The following FGF6 variants were observed in gnomAD, a reference collection of about 807,000 sequenced individuals.
FGF6 encodes FGF-6.
Under a neutral mutation model 18.4 loss-of-function variants are expected in FGF6, and 14 were observed. The ratio of observed to expected loss-of-function variants is 0.76; its 90% CI spans 0.50 to 1.19. The LOEUF is 1.19. Ranked by LOEUF, FGF6 falls within the 50% of genes most tolerant of loss-of-function variation. FGF6 has a pLI of 0.00. For missense variants in FGF6, 266 were observed against 271.6 expected (o/e 0.98, Z 0.15); for synonymous variants, 125 against 116.7 (o/e 1.07, Z -0.46).
At chr12:4,442,236 G>T (rs982493037) in intron 2 of FGF6, among the ~76,000 whole-genome samples, 1 of 151,908 alleles carries the variant, frequency 6.6e-6, no homozygotes, top group African/African-American at 2.4e-5. Context: ...TGGGGGTGGG[G>T]TGGTGGGTTT....
intron 2 of FGF6, among the ~76,000 whole-genome samples, chr12:4,440,117 A>G (rs951999126): frequency 6.6e-6 from 1 of 152,208 alleles, no homozygotes; most frequent in African/African-American, 2.4e-5. Flanking sequence ...GCTACTGTAT[A>G]TGATTACTTG....
intron 2 of FGF6, among the ~76,000 whole-genome samples, chr12:4,442,579 T>C (rs1347155765): frequency 2.0e-5 from 3 of 152,104 alleles, no homozygotes; most frequent in Non-Finnish European, 4.4e-5. Context: ...TTGCATGGAG[T>C]CCCACAGCCA....
intron 2 of FGF6, among the ~76,000 whole-genome samples, chr12:4,435,825 C>A (rs1176372798): frequency 6.6e-6 from 1 of 152,154 alleles, no homozygotes; most frequent in East Asian, 1.9e-4. Context: ...CCCAAGTCCT[C>A]CTCTTTCCTC....
At position 4,445,350 on chromosome 12, in the gene FGF6, C is replaced by T; in HGVS notation, c.221G>A (p.Trp74Ter). ...GLAGEIAGVNWESGYLVGIKR... is the reference protein window; with the variant it reads ...GLAGEIAGVN ...GATCCCCACCAAATAGCCACTTTCC[C>T]AGTTCACCCCGGCAATCTCTCCAGC... Residue 74 changes from tryptophan (W) to a stop codon, truncating the protein, a stop_gained, in exon 1 of 3, where the codon TGG (tryptophan) becomes TAG (stop). Coordinates refer to ENST00000228837, the MANE Select transcript of FGF6 (RefSeq NM_020996.3). LOFTEE classifies it high-confidence loss of function. The surrounding 1 kb of genome is among the most constrained non-coding windows in gnomAD (Gnocchi z 5.5). 1 of 1,614,090 alleles carries T rather than the reference C, an allele frequency of 6.2e-7. No homozygotes were observed. Among genetic ancestry groups the T allele is most frequent in the East Asian group, 2.2e-5 (1 of 44,880 alleles).
chr12:4,438,945 A>AT (rs1243059288), intron 2 of FGF6, among the ~76,000 whole-genome samples: 16 of 152,152 alleles, frequency 1.1e-4, no homozygotes, highest in African/African-American at 3.6e-4. Context: ...TGTTTGTGTG[A>AT]TTTTTTAAAA....
At position 4,445,143 on chromosome 12, in the gene FGF6, G is replaced by T. The variant is rs17183536; in HGVS notation, c.346+82C>A. 1 of 1,190,568 alleles carries T rather than the reference G, an allele frequency of 8.4e-7. No individual in the cohort carries two copies. Among genetic ancestry groups the T allele is most frequent in the South Asian group, 1.4e-5 (1 of 70,198 alleles). The allele number at this position is 1,190,568 out of a possible 1,614,324, so 73.8% of individuals were successfully genotyped here. ...GCCCCCTTTATCGTGCATCCTGTCC[G>T]CTAGAGCAGGGCCCCTTCACCTTTT... On this transcript the variant is annotated intron_variant, in intron 1 of 2. Coordinates refer to ENST00000228837, the MANE Select transcript of FGF6 (RefSeq NM_020996.3). This position sits in a 1 kb window ranked among gnomAD's most constrained non-coding sequence, Gnocchi z 5.5.
chr12:4,437,221 TTAG>T (rs1565470079), intron 2 of FGF6, among the ~76,000 whole-genome samples: 1 of 152,238 alleles, frequency 6.6e-6, no homozygotes, highest in Non-Finnish European at 1.5e-5. Context: ...TAAAAACAAA[TTAG>T]TAGTACTAGT....
intron 2 of FGF6, 90 bp downstream of exon 2, chr12:4,444,043 C>G: frequency 1.2e-6 from 1 of 819,562 alleles, no homozygotes; most frequent in Non-Finnish European, 2.0e-6. Context: ...TAGATAGTCA[C>G]TTCTCTACTC....
intron 2 of FGF6, among the ~76,000 whole-genome samples, chr12:4,441,945 G>A (rs928017573): frequency 5.3e-5 from 8 of 152,010 alleles, no homozygotes; most frequent in African/African-American, 1.9e-4. Context: ...GGTGCCCCAG[G>A]CTTGGGGCAC....
chr12:4,439,074 G>A lies in FGF6; in HGVS notation c.451-4683C>T, dbSNP rs186720642. 1.2e-3 allele frequency among the ~76,000 whole-genome samples: 179 copies of A among 152,318 alleles called. 1 individual carries two copies. The highest frequency in any genetic ancestry group is 4.1e-3 in the African/African-American group (169 of 41,560). On this transcript the variant is annotated intron_variant, in intron 2 of 2. Coordinates refer to ENST00000228837, the MANE Select transcript of FGF6 (RefSeq NM_020996.3). ...AACTCAGTGGCTTCAAGACAATGGT[G>A]GGAGTGAGACTTTCCATAGAATATT...
intron 2 of FGF6, among the ~76,000 whole-genome samples, chr12:4,441,498 C>G (rs954047132): frequency 6.6e-6 from 1 of 152,162 alleles, no homozygotes; most frequent in African/African-American, 2.4e-5. Context: ...AAGCAGTAGG[C>G]TAGTGCTCAG....
chr12:4,438,436 G>A (rs1865648643), intron 2 of FGF6, among the ~76,000 whole-genome samples: 2 of 152,106 alleles, frequency 1.3e-5, no homozygotes, highest in Admixed American at 6.6e-5. Context: ...AGTTACTACA[G>A]CATTAAATAA....
At chr12:4,439,677 C>G (rs1443566296) in intron 2 of FGF6, among the ~76,000 whole-genome samples, 1 of 150,908 alleles carries the variant, frequency 6.6e-6, no homozygotes, top group Middle Eastern at 3.4e-3. Flanking sequence ...TTTTCTGTTT[C>G]TATTTTTTTT....
intron 2 of FGF6, among the ~76,000 whole-genome samples, chr12:4,441,532 C>T (rs1865690740): frequency 6.6e-6 from 1 of 152,132 alleles, no homozygotes. Flanking sequence ...TTTATATTGT[C>T]TAAAGGGGGG....
Position 4,434,210 on chromosome 12 carries a change from G to T in FGF6, c.*5C>A. ...TTAAATCTGTGAGCCTTCTTTTGTG[G>T]GTCCTTAGATCCTGGGAAGGAAATG... On this transcript the variant is annotated 3_prime_UTR_variant, in exon 3 of 3. Transcript: ENST00000228837. 6.2e-7 allele frequency: 1 copy of T among 1,613,392 alleles called. No individual in the cohort carries two copies. Among genetic ancestry groups the T allele is most frequent in the Non-Finnish European group, 8.5e-7 (1 of 1,179,786 alleles).
rs778696187 is a variant in FGF6, at chr12:4,444,157, G to A, written c.426C>T (p.Asn142=). The part of the protein sequence containing the change: ...GVRSALFVAM[N]SKGRLYATPS... ...CCGTTGCGTACAATCTTCCTTTACT[G>A]TTCATGGCAACGAAGAGGGCACTTC... The change falls in exon 2 of 3, where the codon AAC becomes AAT. Residue 142 remains asparagine (N), a synonymous_variant. Transcript: ENST00000228837. 13 of 1,613,308 alleles carry A rather than the reference G, an allele frequency of 8.1e-6. No individual in the cohort carries two copies. The highest frequency in any genetic ancestry group is 1.0e-5 in the Non-Finnish European group (12 of 1,179,318).
Position 4,444,128 on chromosome 12 carries a change from C to G in FGF6, c.450+5G>C. On this transcript the variant is annotated splice_donor_5th_base_variant and intron_variant, in intron 2 of 2. Coordinates refer to ENST00000228837, the MANE Select transcript of FGF6 (RefSeq NM_020996.3). Reference sequence around the variant, plus strand: ...CCTGGCACTTCCCCGGCCTGGTGAACTCACCGTTGCGTACAATCTTCCTTT... The same window carrying G: ...CCTGGCACTTCCCCGGCCTGGTGAAGTCACCGTTGCGTACAATCTTCCTTT... 1 of 1,600,136 alleles carries G rather than the reference C, an allele frequency of 6.2e-7. No homozygotes were observed. Among genetic ancestry groups the G allele is most frequent in the Non-Finnish European group, 8.6e-7 (1 of 1,167,770 alleles).
chr12:4,436,990 T>C (rs1865635935), intron 2 of FGF6, among the ~76,000 whole-genome samples: 1 of 152,200 alleles, frequency 6.6e-6, no homozygotes, highest in Non-Finnish European at 1.5e-5. Flanking sequence ...AACTAATCAA[T>C]GTAGGTCAAG....
At chr12:4,439,543 G>A (rs1865664273) in intron 2 of FGF6, among the ~76,000 whole-genome samples, 1 of 152,066 alleles carries the variant, frequency 6.6e-6, no homozygotes, top group Non-Finnish European at 1.5e-5. Context: ...TAAACATCTG[G>A]ATCTCCTAAA....
Sources: gnomAD v4.1 joint callset for allele counts (sites outside exome capture counted in the v4.1 genomes callset) on GRCh38, gnomAD v4.1.1 for gene constraint, Gnocchi (gnomAD v3.1) non-coding constraint, MANE v1.5 for transcripts, NCBI Gene and HGNC (gene_info 2026-07-23, HGNC 2026-07-21) for gene names.